Variants in MARCHF6 observed in about 807,000 individuals in gnomAD.
MARCHF6 encodes membrane associated ring-CH-type finger 6, also known as E3 ubiquitin-protein ligase MARCHF6.
In MARCHF6, 31 loss-of-function variants were observed where a neutral mutation model predicts 133.7. The ratio of observed to expected loss-of-function variants is 0.23; its 90% confidence interval spans 0.17 to 0.31. The LOEUF is 0.31. Ranked by LOEUF, MARCHF6 falls within the 10% of genes least tolerant of loss-of-function variation. The pLI is 1.00. For missense variants in MARCHF6, 723 were observed against 1,121.6 expected (o/e 0.64, Z 5.08); for synonymous variants, 395 against 402.5 (o/e 0.98, Z 0.22).
Position 10,433,666 on chromosome 5 carries a change from ACAGTCAT to A in MARCHF6, c.2717_2723del (p.Gln906ProfsTer11). On this transcript the variant is annotated frameshift_variant, in exon 26 of 26. Coordinates refer to ENST00000274140, the MANE Select transcript of MARCHF6 (RefSeq NM_005885.4). LOFTEE classifies it high-confidence loss of function. ...AACAAGGCTCATCTCCACCACCTCC[ACAGTCAT>A]CCCAAGAATAAAGTAGTTGTCTCAA... 1 of 1,614,134 alleles carries A rather than the reference ACAGTCAT, an allele frequency of 6.2e-7. No individual in the cohort carries two copies. Among genetic ancestry groups the A allele is most frequent in the South Asian group, 1.1e-5 (1 of 91,084 alleles).
chr5:10,362,569 T>G (rs967496450), intron 1 of MARCHF6, among the ~76,000 whole-genome samples: 3 of 152,244 alleles, frequency 2.0e-5, no homozygotes, highest in Admixed American at 6.5e-5. Flanking sequence ...AACAATAAAC[T>G]CAATATATGT....
In MARCHF6 at chr5:10,434,331, G is replaced by A. The variant is rs1314752890; in HGVS notation, c.*647G>A. 1.3e-5 allele frequency: 2 copies of A among 152,572 alleles called. No homozygotes were observed. Among genetic ancestry groups the A allele is most frequent in the African/African-American group, 2.4e-5 (1 of 41,338 alleles). The allele number at this position is 152,572 out of a possible 1,614,324, so 9.5% of individuals were successfully genotyped here. On this transcript the variant is annotated 3_prime_UTR_variant, in exon 26 of 26. Coordinates refer to ENST00000274140, the MANE Select transcript of MARCHF6 (RefSeq NM_005885.4). Reference sequence around the variant, plus strand: ...TTCATGTGTCTGTGTTTGTAATATTGTATAGTATCTTGTGCTAGGTGAGGA... The same window carrying A: ...TTCATGTGTCTGTGTTTGTAATATTATATAGTATCTTGTGCTAGGTGAGGA...
intron 19 of MARCHF6, among the ~76,000 whole-genome samples, chr5:10,412,818 G>GCCTGCCT (rs1229619129): frequency 6.6e-6 from 1 of 152,152 alleles, no homozygotes; most frequent in Non-Finnish European, 1.5e-5. Context: ...CAAGCAGTCT[G>GCCTGCCT]CCTGCCTCGG....
chr5:10,429,349 A>G (rs368447851), intron 24 of MARCHF6, among the ~76,000 whole-genome samples: 27 of 151,038 alleles, frequency 1.8e-4, no homozygotes, highest in South Asian at 1.3e-3. Context: ...AAATGTATCA[A>G]TGACACCACT....
chr5:10,365,280 C>T (rs956983420), intron 1 of MARCHF6, among the ~76,000 whole-genome samples: 1 of 151,900 alleles, frequency 6.6e-6, no homozygotes, highest in African/African-American at 2.4e-5. Context: ...CTTTGGGGTA[C>T]ATAGAGAATT....
intron 10 of MARCHF6, among the ~76,000 whole-genome samples, chr5:10,398,502 G>A (rs889761981): frequency 1.3e-5 from 2 of 152,018 alleles, no homozygotes; most frequent in South Asian, 2.1e-4. Flanking sequence ...ACATGTGGGG[G>A]TGTCTGTATG....
intron 1 of MARCHF6, among the ~76,000 whole-genome samples, chr5:10,354,966 T>A (rs767119684): frequency 5.3e-5 from 8 of 152,214 alleles, no homozygotes; most frequent in Non-Finnish European, 1.2e-4. Context: ...GTCTTGCCTT[T>A]AATAAATACC....
intron 4 of MARCHF6, among the ~76,000 whole-genome samples, chr5:10,383,615 G>A (rs942301016): frequency 6.6e-6 from 1 of 152,162 alleles, no homozygotes; most frequent in Non-Finnish European, 1.5e-5. Context: ...CTCTCAGATT[G>A]AAGGACAAAC....
chr5:10,355,834 CTTAAA>C (rs1735424699), intron 1 of MARCHF6, among the ~76,000 whole-genome samples: 1 of 152,188 alleles, frequency 6.6e-6, no homozygotes, highest in Admixed American at 6.5e-5. Context: ...CAGAGTCGCA[CTTAAA>C]TTAGATTATT....
intron 1 of MARCHF6, among the ~76,000 whole-genome samples, chr5:10,375,583 C>T (rs989681176): frequency 5.3e-5 from 8 of 152,258 alleles, no homozygotes; most frequent in Non-Finnish European, 8.8e-5. Context: ...ACCTGCAGCC[C>T]GGGTGCGGGA....
intron 5 of MARCHF6, among the ~76,000 whole-genome samples, chr5:10,388,182 A>G (rs1271250683): frequency 6.6e-6 from 1 of 152,058 alleles, no homozygotes; most frequent in Non-Finnish European, 1.5e-5. Context: ...TCATTAGACT[A>G]CTCATTGACT....
rs1242617855 is a variant in MARCHF6 at position 10,437,717 on chromosome 5, A to G, written c.*4033A>G. 1 of 152,210 alleles carries G rather than the reference A, an allele frequency of 6.6e-6. No homozygotes were observed. The highest frequency in any genetic ancestry group is 2.4e-5 in the African/African-American group (1 of 41,464). The allele number at this position is 152,210 out of a possible 1,614,324, so 9.4% of individuals were successfully genotyped here. A position where few individuals can be genotyped will look rare whatever the true frequency, so the allele number is the denominator to read the frequency against. On this transcript the variant is annotated 3_prime_UTR_variant, in exon 26 of 26. Coordinates refer to ENST00000274140, the MANE Select transcript of MARCHF6 (RefSeq NM_005885.4). Reference sequence around the variant, plus strand: ...ACTTAGTTTGGGGTGTCAATTTTCTATCAACGCAAACACCTTAGGGTACCC... The same window carrying G: ...ACTTAGTTTGGGGTGTCAATTTTCTGTCAACGCAAACACCTTAGGGTACCC...
At chr5:10,410,864 G>C (rs532663940) in intron 18 of MARCHF6, among the ~76,000 whole-genome samples, 26 of 152,162 alleles carry the variant, frequency 1.7e-4, no homozygotes, top group Non-Finnish European at 2.4e-4. Flanking sequence ...TTATAGCTTG[G>C]AGGTTTTACA....
chr5:10,353,794 C>A lies in MARCHF6; in HGVS notation c.-105C>A. 1 of 988,706 alleles carries A rather than the reference C, an allele frequency of 1.0e-6. No individual in the cohort carries two copies. Among genetic ancestry groups the A allele is most frequent in the Non-Finnish European group, 1.5e-6 (1 of 663,330 alleles). 61.2% of individuals were successfully genotyped at this position (988,706 alleles called of 1,614,324 possible). A position where few individuals can be genotyped will look rare whatever the true frequency, so the allele number is the denominator to read the frequency against. ...TCTCGCTTCCTCTCTCGCACCTGAG[C>A]GTACGCACCTGCCCGGGCCCGGCTC... On this transcript the variant is annotated 5_prime_UTR_variant, in exon 1 of 26. Transcript: ENST00000274140.
chr5:10,387,024 C>A lies in MARCHF6; in HGVS notation c.365C>A (p.Ser122Tyr). Residue 122 changes from serine (S) to tyrosine (Y), a missense_variant, in exon 5 of 26, where the codon TCC becomes TAC. By Grantham distance (144) the Ser-to-Tyr change is moderately radical. This residue lies in a region of MARCHF6 where 91 missense variants were observed against 208.8 expected (regional missense o/e 0.44). Coordinates refer to ENST00000274140, the MANE Select transcript of MARCHF6 (RefSeq NM_005885.4). ...CRIYKCLFTG[S>Y]VSSLLTLPLD... ...ATCTACAAGTGCTTGTTTACTGGCT[C>A]CGTGAGCTCACTACTGACGCTGCCA... 1 of 1,613,202 alleles carries A rather than the reference C, an allele frequency of 6.2e-7. No individual in the cohort carries two copies. The highest frequency in any genetic ancestry group is 8.5e-7 in the Non-Finnish European group (1 of 1,179,268).
chr5:10,432,306 C>T (rs1337108225), intron 25 of MARCHF6, among the ~76,000 whole-genome samples: 1 of 152,212 alleles, frequency 6.6e-6, no homozygotes, highest in African/African-American at 2.4e-5. Flanking sequence ...GGTCTCATTT[C>T]ACTGATGAGT....
chr5:10,391,549 C>G lies in MARCHF6; in HGVS notation c.584C>G (p.Ala195Gly). Residue 195 changes from alanine (A) to glycine (G), a missense_variant, in exon 7 of 26, where the codon GCA becomes GGA. This residue lies in a region of MARCHF6 where 97 missense variants were observed against 115.4 expected (regional missense o/e 0.84). Transcript: ENST00000274140. ...AAGHHQNEAP[A>G]GGNGAENVAA... ...GCTTTTCTGTGATTTTAGGCTCCAGCAGGAGGAAATGGTGCAGAAAATGTT... is the reference window on the plus strand; with the variant it reads ...GCTTTTCTGTGATTTTAGGCTCCAGGAGGAGGAAATGGTGCAGAAAATGTT... The G allele has an allele frequency of 6.3e-7, 1 of 1,598,924 alleles. No individual in the cohort carries two copies. Among genetic ancestry groups the G allele is most frequent in the Non-Finnish European group, 8.5e-7 (1 of 1,172,910 alleles).
chr5:10,400,433 C>T (rs192793140), intron 10 of MARCHF6, among the ~76,000 whole-genome samples: 21 of 152,190 alleles, frequency 1.4e-4, no homozygotes, highest in African/African-American at 5.1e-4. Context: ...TTTCTCTTTT[C>T]GTGATTATTA....
chr5:10,408,020 C>G (rs902135376), intron 17 of MARCHF6, among the ~76,000 whole-genome samples: 7 of 148,174 alleles, frequency 4.7e-5, no homozygotes, highest in South Asian at 2.2e-4. Flanking sequence ...ACCACTCATC[C>G]TATATGCTCT....
Sources: allele counts gnomAD v4.1 joint callset (sites outside exome capture counted in the v4.1 genomes callset), GRCh38; gene constraint gnomAD v4.1.1; regional missense constraint gnomAD v4.1.1; transcripts MANE v1.5; gene names NCBI Gene and HGNC (gene_info 2026-07-23, HGNC 2026-07-21).